Variants in GALNT13 observed in about 807,000 individuals in gnomAD.
GALNT13 encodes the protein polypeptide N-acetylgalactosaminyltransferase 13.
GALNT13 carries 28 observed loss-of-function variants against 64.2 expected under a neutral mutation model. That is an observed-to-expected ratio of 0.44 (90% CI 0.32 to 0.60). GALNT13 has a LOEUF of 0.60. Ranked by LOEUF, GALNT13 falls within the 20% of genes least tolerant of loss-of-function variation. GALNT13 has a pLI of 0.05. For missense variants in GALNT13, 577 were observed against 669.8 expected (o/e 0.86, Z 1.53); for synonymous variants, 214 against 224.6 (o/e 0.95, Z 0.42).
the GALNT13 span, among the ~76,000 whole-genome samples, chr2:153,383,277 T>C: frequency 2.6e-5 from 4 of 152,080 alleles, no homozygotes; most frequent in African/African-American, 9.7e-5. Flanking sequence ...CAGTAACCAT[T>C]GCTAAGGAAA....
intron 3 of GALNT13, among the ~76,000 whole-genome samples, chr2:154,051,492 T>A (rs975708991): frequency 1.3e-5 from 2 of 151,338 alleles, no homozygotes; most frequent in African/African-American, 4.9e-5. Flanking sequence ...GGGTTTCACC[T>A]TGTTAGCCAG....
At chr2:154,135,763 G>A (rs1222556998) in intron 3 of GALNT13, among the ~76,000 whole-genome samples, 1 of 152,086 alleles carries the variant, frequency 6.6e-6, no homozygotes, top group Non-Finnish European at 1.5e-5. Context: ...AGAAGTTCAA[G>A]GTTGTAGTGA....
the GALNT13 span, among the ~76,000 whole-genome samples, chr2:153,415,809 T>G: frequency 6.6e-6 from 1 of 152,186 alleles, no homozygotes; most frequent in Admixed American, 6.5e-5. Flanking sequence ...CTTTCTCTAT[T>G]TTTCTTATGT....
chr2:153,124,272 T>C, the GALNT13 span, among the ~76,000 whole-genome samples: 2 of 152,216 alleles, frequency 1.3e-5, no homozygotes, highest in Admixed American at 6.5e-5. Flanking sequence ...TGTATTCTTA[T>C]GAGATCCTGA....
the GALNT13 span, among the ~76,000 whole-genome samples, chr2:153,650,244 T>C: frequency 1.3e-5 from 2 of 152,170 alleles, no homozygotes; most frequent in Non-Finnish European, 2.9e-5. Context: ...CTTTTGATCT[T>C]TGTTGGTTTA....
At chr2:153,493,094 G>A in the GALNT13 span, among the ~76,000 whole-genome samples, 1 of 151,570 alleles carries the variant, frequency 6.6e-6, no homozygotes, top group African/African-American at 2.4e-5. Context: ...AAAATGAAGA[G>A]CTAAGGTACC....
rs1259035035 is a variant in GALNT13, at chr2:153,877,111, A to G, written c.-177+4808A>G. 2.6e-5 allele frequency among the ~76,000 whole-genome samples: 4 copies of G among 152,240 alleles called. No homozygotes were observed. The East Asian group carries it at 7.7e-4, about 29-fold the overall frequency. On this transcript the variant is annotated intron_variant, in intron 1 of 12. Coordinates refer to ENST00000392825, the MANE Select transcript of GALNT13 (RefSeq NM_052917.4). Reference sequence around the variant, plus strand: ...AGAAGAATGACTATTATTACCATAGATATGAACATATTTGTTATCATCTTG... The same window carrying G: ...AGAAGAATGACTATTATTACCATAGGTATGAACATATTTGTTATCATCTTG...
the GALNT13 span, among the ~76,000 whole-genome samples, chr2:153,669,297 C>T: frequency 6.6e-6 from 1 of 152,178 alleles, no homozygotes; most frequent in African/African-American, 2.4e-5. Flanking sequence ...GTGAAACTCA[C>T]CTTCCCTACC....
chr2:153,919,172 A>G (rs1395217453), intron 2 of GALNT13, among the ~76,000 whole-genome samples: 1 of 152,004 alleles, frequency 6.6e-6, no homozygotes, highest in African/African-American at 2.4e-5. Context: ...TAAAATACAT[A>G]TTCTACAAGA....
chr2:154,137,652 G>T (rs1683030858), intron 3 of GALNT13, among the ~76,000 whole-genome samples: 1 of 152,046 alleles, frequency 6.6e-6, no homozygotes, highest in Non-Finnish European at 1.5e-5. Context: ...ATACTTCTGT[G>T]TGCTTTAAAT....
intron 1 of GALNT13, among the ~76,000 whole-genome samples, chr2:153,875,646 A>G (rs758286506): frequency 2.0e-5 from 3 of 152,204 alleles, no homozygotes; most frequent in Non-Finnish European, 2.9e-5. Flanking sequence ...AGTAACAGTA[A>G]CAAATGGGTA....
chr2:153,215,995 C>G, the GALNT13 span, among the ~76,000 whole-genome samples: 2 of 151,852 alleles, frequency 1.3e-5, no homozygotes, highest in Non-Finnish European at 2.9e-5. Flanking sequence ...GCACTCATTT[C>G]CACTCCAACC....
the GALNT13 span, among the ~76,000 whole-genome samples, chr2:153,230,019 A>C: frequency 6.6e-6 from 1 of 152,332 alleles, no homozygotes; most frequent in Non-Finnish European, 1.5e-5. Context: ...CTGTACTCTA[A>C]GAAACTTGAT....
the GALNT13 span, among the ~76,000 whole-genome samples, chr2:153,567,173 C>A: frequency 6.6e-6 from 1 of 152,184 alleles, no homozygotes; most frequent in Non-Finnish European, 1.5e-5. Flanking sequence ...TCATCTTGCG[C>A]CATCCTGAGC....
chr2:154,455,180 G>A (rs976810884), downstream of GALNT13, among the ~76,000 whole-genome samples: 17 of 152,102 alleles, frequency 1.1e-4, no homozygotes, highest in Non-Finnish European at 2.1e-4. Flanking sequence ...TTTGGTGGGA[G>A]GTTAGGATCA....
the GALNT13 span, among the ~76,000 whole-genome samples, chr2:153,340,452 C>T: frequency 2.0e-5 from 3 of 151,596 alleles, no homozygotes; most frequent in South Asian, 2.1e-4. Flanking sequence ...GTCAGGAGTT[C>T]GAGGCCAGCC....
the GALNT13 span, among the ~76,000 whole-genome samples, chr2:153,636,292 G>A: frequency 6.6e-6 from 1 of 151,992 alleles, no homozygotes; most frequent in African/African-American, 2.4e-5. Context: ...TGACTTTAAT[G>A]AAAACCAGAA....
chr2:154,353,553 C>G (rs191016691), intron 9 of GALNT13, among the ~76,000 whole-genome samples: 106 of 152,242 alleles, frequency 7.0e-4, no homozygotes, highest in South Asian at 1.5e-3. Flanking sequence ...ACTTTGTATT[C>G]GTTGGTATCT....
intron 3 of GALNT13, among the ~76,000 whole-genome samples, chr2:154,015,482 G>A (rs991399681): frequency 5.3e-5 from 8 of 152,028 alleles, no homozygotes; most frequent in Non-Finnish European, 5.9e-5. Flanking sequence ...ATTTGTTGAC[G>A]TCACTGATTC....
Sources: gnomAD v4.1 joint callset for allele counts (sites outside exome capture counted in the v4.1 genomes callset) on GRCh38, gnomAD v4.1.1 for gene constraint, MANE v1.5 for transcripts, NCBI Gene and HGNC (gene_info 2026-07-23, HGNC 2026-07-21) for gene names.